SOS2: variants seen among roughly 807,000 people sequenced by gnomAD.
SOS2 encodes the protein son of sevenless homolog 2.
Under a neutral mutation model 148.2 loss-of-function variants are expected in SOS2, and 65 were observed. The ratio of observed to expected loss-of-function variants is 0.44; its 90% CI spans 0.36 to 0.54. The LOEUF is 0.54. Among genes scored for constraint, SOS2 ranks in the 20% least tolerant of loss-of-function variants. The pLI is 0.00. For synonymous variants in SOS2, 539 were observed against 537.1 expected (o/e 1.00, Z -0.05); for missense variants, 1,341 against 1,590.2 (o/e 0.84, Z 2.67).
At chr14:50,212,219 T>C (rs1012756821) in intron 1 of SOS2, among the ~76,000 whole-genome samples, 2 of 152,240 alleles carry the variant, frequency 1.3e-5, no homozygotes, top group Non-Finnish European at 2.9e-5. Flanking sequence ...CTCGCGCCTA[T>C]AATCCCAGCA....
intron 21 of SOS2, among the ~76,000 whole-genome samples, chr14:50,121,534 G>A (rs1011961659): frequency 6.9e-6 from 1 of 145,452 alleles, no homozygotes; most frequent in Admixed American, 6.9e-5. Flanking sequence ...CTGGGGGAGG[G>A]GGGGGAGTCC....
At chr14:50,155,155 A>T (rs973572102) in intron 12 of SOS2, among the ~76,000 whole-genome samples, 2 of 152,178 alleles carry the variant, frequency 1.3e-5, no homozygotes, top group Non-Finnish European at 2.9e-5. Context: ...ATGGGTGTTC[A>T]TTGTAAAATT....
Position 50,158,476 on chromosome 14 carries a change from TTGAG to T in SOS2, c.1934+85_1934+88del, listed in dbSNP as rs201762253. The T allele has an allele frequency of 0.016, 11,351 of 712,964 alleles. 134 individuals are homozygous for T. The highest frequency in any genetic ancestry group is 0.022 in the Middle Eastern group (57 of 2,630). 44.2% of individuals were successfully genotyped at this position (712,964 alleles called of 1,614,324 possible). A position where few individuals can be genotyped will look rare whatever the true frequency, so the allele number is the denominator to read the frequency against. On this transcript the variant is annotated intron_variant, in intron 11 of 22. Coordinates refer to ENST00000216373, the MANE Select transcript of SOS2 (RefSeq NM_006939.4). ...AAATAAAATATGTTCAATAATTAAC[TTGAG>T]TATTTATTAGGTACTAGGCACTTTA...
chr14:50,135,088 A>G (rs1315494672), intron 18 of SOS2, among the ~76,000 whole-genome samples: 7 of 148,560 alleles, frequency 4.7e-5, no homozygotes, highest in Non-Finnish European at 7.5e-5. Flanking sequence ...AAAAAAAAAA[A>G]AAAAGAAAGA....
In SOS2 at chr14:50,133,248, T is replaced by TC. The variant is rs1491557305; in HGVS notation, c.3075+874dup. 2.7e-4 allele frequency among the ~76,000 whole-genome samples: 36 copies of TC among 131,358 alleles called. 1 individual carries two copies. The highest frequency in any genetic ancestry group is 2.5e-3 in the Admixed American group (32 of 12,984). 86.2% of individuals were successfully genotyped at this position (131,358 alleles called of 152,430 possible). ...TGAACTTTTTTTCTTTTTTCTTTTT[T>TC]CTTTTTTTTTTTTTTTGAGACGGGG... is the stretch of plus-strand genomic sequence containing the variant. On this transcript the variant is annotated intron_variant, in intron 19 of 22. Coordinates refer to ENST00000216373, the MANE Select transcript of SOS2 (RefSeq NM_006939.4).
chr14:50,219,669 T>A (rs1227505421), intron 1 of SOS2, among the ~76,000 whole-genome samples: 2 of 152,208 alleles, frequency 1.3e-5, no homozygotes, highest in Non-Finnish European at 2.9e-5. Context: ...ACATTGTAAA[T>A]ATATGTACTG....
intron 16 of SOS2, 94 bp downstream of exon 16, chr14:50,145,076 G>T: frequency 1.7e-6 from 1 of 601,706 alleles, no homozygotes; most frequent in East Asian, 3.2e-5. Flanking sequence ...AATTTACAAA[G>T]AATTTAATTA....
intron 16 of SOS2, among the ~76,000 whole-genome samples, chr14:50,141,064 C>T (rs893342966): frequency 1.3e-5 from 2 of 151,298 alleles, no homozygotes; most frequent in Admixed American, 6.6e-5. Flanking sequence ...ATTAGCCGGG[C>T]GTGGTGGCGG....
intron 1 of SOS2, among the ~76,000 whole-genome samples, chr14:50,210,657 G>T (rs1479420250): frequency 6.6e-6 from 1 of 151,358 alleles, no homozygotes; most frequent in African/African-American, 2.4e-5. Flanking sequence ...CTCATATCTA[G>T]AATATATAGA....
chr14:50,143,452 T>C (rs995352643), intron 16 of SOS2, among the ~76,000 whole-genome samples: 5 of 152,158 alleles, frequency 3.3e-5, no homozygotes, highest in African/African-American at 7.2e-5. Flanking sequence ...TTATTATTTA[T>C]TTTGAGAACA....
intron 4 of SOS2, among the ~76,000 whole-genome samples, chr14:50,195,895 T>C (rs1323144249): frequency 6.6e-6 from 1 of 151,950 alleles, no homozygotes; most frequent in African/African-American, 2.4e-5. Flanking sequence ...GGCATGGTGG[T>C]GGGCACTTGT....
chr14:50,224,931 A>C (rs1394351080), intron 1 of SOS2, among the ~76,000 whole-genome samples: 1 of 149,956 alleles, frequency 6.7e-6, no homozygotes, highest in Non-Finnish European at 1.5e-5. Context: ...TTGAGTTTAC[A>C]AAATGACCTA....
chr14:50,221,665 A>G (rs943132749), intron 1 of SOS2, among the ~76,000 whole-genome samples: 2 of 152,150 alleles, frequency 1.3e-5, no homozygotes, highest in African/African-American at 4.8e-5. Context: ...ATAAAAAGAA[A>G]GCATCTTTAA....
rs1373935531 is a variant in SOS2, at chr14:50,159,499, C to G, written c.1784G>C (p.Gly595Ala). Reference sequence around the variant, plus strand: ...AGTTCCTCCTTTAATAATGGGGATGCCACTTCTACTTTGCAAGTTGTCTTC... The same window carrying G: ...AGTTCCTCCTTTAATAATGGGGATGGCACTTCTACTTTGCAAGTTGTCTTC... ...VFEDNLQSRS[G>A]IPIIKGGTVV... The change falls in exon 10 of 23, where the codon GGC (glycine) becomes GCC (alanine). Residue 595 changes from glycine to alanine, a missense_variant. By Grantham distance (60) the Gly-to-Ala change is moderately conservative. Transcript: ENST00000216373. The G allele has an allele frequency of 1.2e-6, 2 of 1,612,568 alleles. No individual in the cohort carries two copies. Among genetic ancestry groups the G allele is most frequent in the Non-Finnish European group, 1.7e-6 (2 of 1,178,828 alleles).
At chr14:50,161,919 T>G (rs1270367063) in intron 8 of SOS2, among the ~76,000 whole-genome samples, 3 of 151,780 alleles carry the variant, frequency 2.0e-5, no homozygotes, top group Non-Finnish European at 4.4e-5. Flanking sequence ...CCCAGCTAAT[T>G]TTTAAAATTT....
At chr14:50,194,173 A>G (rs1483380358) in intron 4 of SOS2, among the ~76,000 whole-genome samples, 3 of 152,248 alleles carry the variant, frequency 2.0e-5, no homozygotes, top group African/African-American at 4.8e-5. Flanking sequence ...TTTTGTAAAT[A>G]AAGTTTTGCT....
chr14:50,130,140 T>A, intron 20 of SOS2, 138 bp from the exon 21 acceptor site: 1 of 611,302 alleles, frequency 1.6e-6, no homozygotes, highest in Non-Finnish European at 2.8e-6. Context: ...TTTAAAAAAT[T>A]AACTCAGAAC....
At chr14:50,173,332 T>C (rs1221357313) in intron 8 of SOS2, among the ~76,000 whole-genome samples, 1 of 152,204 alleles carries the variant, frequency 6.6e-6, no homozygotes, top group African/African-American at 2.4e-5. Flanking sequence ...GGAATATATA[T>C]GATTATTTCT....
chr14:50,150,033 T>C lies in SOS2; in HGVS notation c.2359A>G (p.Thr787Ala). ...LHPIEIARQLTLLESDLYRKV... is the reference protein window; with the variant it reads ...LHPIEIARQLALLESDLYRKV... Reference sequence around the variant, plus strand: ...CTGTAAAGATCAGACTCCAAAAGTGTCAGCTGACGTGCAATTTCTATTGGA... The same window carrying C: ...CTGTAAAGATCAGACTCCAAAAGTGCCAGCTGACGTGCAATTTCTATTGGA... Residue 787 changes from threonine (T) to alanine (A), a missense_variant, in exon 14 of 23, where the codon ACA (threonine) becomes GCA (alanine). Physicochemically the swap from Thr to Ala is moderately conservative, Grantham distance 58. Around this residue, in one of 4 missense-constraint regions of SOS2, gnomAD observed 408 missense variants for 506.6 expected, o/e 0.81. Coordinates refer to ENST00000216373, the MANE Select transcript of SOS2 (RefSeq NM_006939.4). The C allele has an allele frequency of 2.5e-6, 4 of 1,612,552 alleles. No individual in the cohort carries two copies. Among genetic ancestry groups the C allele is most frequent in the Non-Finnish European group, 3.4e-6 (4 of 1,178,544 alleles).
Sources: gnomAD v4.1 joint callset for allele counts (sites outside exome capture counted in the v4.1 genomes callset) on GRCh38, gnomAD v4.1.1 for gene constraint, gnomAD v4.1.1 regional missense constraint, MANE v1.5 for transcripts, NCBI Gene and HGNC (gene_info 2026-07-23, HGNC 2026-07-21) for gene names.